Variants in CLSTN2 observed in about 807,000 individuals in gnomAD.
The protein encoded by CLSTN2 is calsyntenin 2, also known as calsyntenin-2.
CLSTN2 carries 48 observed loss-of-function variants against 101.2 expected under a neutral mutation model. The observed-to-expected ratio is 0.47, with a 90% CI of 0.38 to 0.60. The LOEUF is 0.60. Ranked by LOEUF, CLSTN2 falls within the 20% of genes least tolerant of loss-of-function variation. The pLI is 0.00. For synonymous variants in CLSTN2, 481 were observed against 463.6 expected, an observed-to-expected ratio of 1.04 and a Z score of -0.48; for missense variants, 1,160 against 1,238.2, an observed-to-expected ratio of 0.94 and a Z score of 0.95.
At chr3:140,424,128 C>T (rs1445763585) in intron 5 of CLSTN2, among the ~76,000 whole-genome samples, 1 of 152,150 alleles carries the variant, frequency 6.6e-6, no homozygotes, top group Non-Finnish European at 1.5e-5. Context: ...ACAATGAGTT[C>T]TTCATCCTTA....
At chr3:140,393,973 G>A (rs1358416824) in intron 2 of CLSTN2, among the ~76,000 whole-genome samples, 1 of 152,088 alleles carries the variant, frequency 6.6e-6, no homozygotes, top group Non-Finnish European at 1.5e-5. Context: ...CTAGAATGGT[G>A]GGCACCTCAG....
intron 2 of CLSTN2, among the ~76,000 whole-genome samples, chr3:140,336,427 GGAGGAATCAT>G (rs2087440202): frequency 6.6e-6 from 1 of 152,170 alleles, no homozygotes; most frequent in Admixed American, 6.5e-5. Flanking sequence ...CTATGGTTAA[GGAGGAATCAT>G]GAAGGATCTT....
At chr3:140,497,078 G>A (rs1352371984) in intron 8 of CLSTN2, among the ~76,000 whole-genome samples, 1 of 146,630 alleles carries the variant, frequency 6.8e-6, no homozygotes, top group Non-Finnish European at 1.5e-5. Context: ...TCTAGCTTGG[G>A]TGACACAGCG....
chr3:140,426,021 GGAACTAGGAAAGTGAT>G (rs1432790053), intron 5 of CLSTN2, among the ~76,000 whole-genome samples: 1 of 152,180 alleles, frequency 6.6e-6, no homozygotes, highest in African/African-American at 2.4e-5. Flanking sequence ...AATTATATTA[GGAACTAGGAAAGTGAT>G]GCACCTGCAG....
chr3:140,109,418 C>T (rs565792480), intron 1 of CLSTN2, among the ~76,000 whole-genome samples: 2 of 152,110 alleles, frequency 1.3e-5, no homozygotes, highest in African/African-American at 2.4e-5. Context: ...TTGATGTGCT[C>T]TAATTGGGAG....
At chr3:140,141,996 T>G (rs1325542389) in intron 1 of CLSTN2, among the ~76,000 whole-genome samples, 1 of 152,232 alleles carries the variant, frequency 6.6e-6, no homozygotes, top group East Asian at 1.9e-4. Flanking sequence ...AAAATGGAAC[T>G]GTTCAACTGG....
In CLSTN2 at chr3:140,276,013, G is replaced by T. The variant is rs184076159; in HGVS notation, c.232+99940G>T. On this transcript the variant is annotated intron_variant, in intron 2 of 16. Transcript: ENST00000458420. ...ACTAGCACTGGGGCACTAGTGACCA[G>T]CAAAGAGGGAAGTCCTGCTGCCTGG... is the stretch of plus-strand genomic sequence containing the variant. Among the ~76,000 whole-genome samples the T allele has an allele frequency of 5.8e-3, 890 of 152,296 alleles. 5 individuals carry two copies. The highest frequency in any genetic ancestry group is 0.02 in the Middle Eastern group (6 of 294).
At chr3:140,368,951 T>G (rs2087822655) in intron 2 of CLSTN2, among the ~76,000 whole-genome samples, 1 of 152,188 alleles carries the variant, frequency 6.6e-6, no homozygotes. Context: ...GGCAAGCAGT[T>G]AGAAAGGCAA....
chr3:139,986,042 A>G (rs1936015916), intron 1 of CLSTN2, among the ~76,000 whole-genome samples: 1 of 152,158 alleles, frequency 6.6e-6, no homozygotes, highest in Non-Finnish European at 1.5e-5. Flanking sequence ...ATTCCTGATT[A>G]TCTAGCATTT....
chr3:140,562,406 G>C (rs148348746), intron 13 of CLSTN2, 98 bp downstream of exon 13: 3 of 1,202,830 alleles, frequency 2.5e-6, no homozygotes, highest in African/African-American at 3.0e-5. Flanking sequence ...AAGGAGCACT[G>C]TGAAGCCCCA....
intron 2 of CLSTN2, among the ~76,000 whole-genome samples, chr3:140,389,498 A>G (rs1318221736): frequency 6.6e-6 from 1 of 152,210 alleles, no homozygotes; most frequent in Non-Finnish European, 1.5e-5. Flanking sequence ...ATAGTATTCC[A>G]TGGTGTATAT....
In CLSTN2 at chr3:140,575,890, A is replaced by G. The variant is rs1245757984; in HGVS notation, c.*9637A>G. 1 of 152,222 alleles carries G rather than the reference A, an allele frequency of 6.6e-6. No homozygotes were observed. The highest frequency in any genetic ancestry group is 1.5e-5 in the Non-Finnish European group (1 of 68,044). The allele number at this position is 152,222 out of a possible 1,614,324, so 9.4% of individuals were successfully genotyped here. A position where few individuals can be genotyped will look rare whatever the true frequency, so the allele number is the denominator to read the frequency against. On this transcript the variant is annotated 3_prime_UTR_variant, in exon 17 of 17. Coordinates refer to ENST00000458420, the MANE Select transcript of CLSTN2 (RefSeq NM_022131.3). ...ATCTATAATACAGAAGTAAGAATAAAGTCATAAGTACCAGCATATTTTAAA... is the reference window on the plus strand; with the variant it reads ...ATCTATAATACAGAAGTAAGAATAAGGTCATAAGTACCAGCATATTTTAAA...
At chr3:140,411,295 A>G (rs952689332) in intron 4 of CLSTN2, among the ~76,000 whole-genome samples, 1 of 152,262 alleles carries the variant, frequency 6.6e-6, no homozygotes, top group African/African-American at 2.4e-5. Flanking sequence ...CAAACAAAAT[A>G]GGCTTTAAGT....
At chr3:140,141,256 T>C (rs1178825143) in intron 1 of CLSTN2, among the ~76,000 whole-genome samples, 2 of 152,226 alleles carry the variant, frequency 1.3e-5, no homozygotes, top group Non-Finnish European at 2.9e-5. Context: ...TCCTAAATCC[T>C]GCCTCATGAC....
chr3:140,527,740 A>G (rs1935174420), intron 8 of CLSTN2, among the ~76,000 whole-genome samples: 1 of 152,240 alleles, frequency 6.6e-6, no homozygotes, highest in Admixed American at 6.5e-5. Context: ...TGCAGCCATA[A>G]GAAAGAATTA....
At chr3:140,468,345 C>A (rs1291962055) in intron 8 of CLSTN2, among the ~76,000 whole-genome samples, 1 of 152,142 alleles carries the variant, frequency 6.6e-6, no homozygotes, top group Non-Finnish European at 1.5e-5. Flanking sequence ...GAGGCATTTT[C>A]TAAGATGGGA....
At position 140,317,269 on chromosome 3, in the gene CLSTN2, G is replaced by A. The variant is rs535658503; in HGVS notation, c.233-86360G>A. 4.6e-5 allele frequency among the ~76,000 whole-genome samples: 7 copies of A among 152,246 alleles called. No homozygotes were observed. The East Asian group carries it at 1.2e-3, about 25-fold the overall frequency. On this transcript the variant is annotated intron_variant, in intron 2 of 16. Transcript: ENST00000458420. ...CATCATCCTTTGAATGTGCAGGTGG[G>A]AAAAGTTCAGGGACTCTTCTCGGGG... is the stretch of plus-strand genomic sequence containing the variant.
chr3:140,232,154 C>T (rs2086376795), intron 2 of CLSTN2, among the ~76,000 whole-genome samples: 1 of 152,286 alleles, frequency 6.6e-6, no homozygotes, highest in Non-Finnish European at 1.5e-5. Context: ...TGGAAGTACA[C>T]AGGCTTCAAA....
intron 1 of CLSTN2, among the ~76,000 whole-genome samples, chr3:140,046,828 C>T (rs2007891144): frequency 6.6e-6 from 1 of 152,052 alleles, no homozygotes; most frequent in Non-Finnish European, 1.5e-5. Context: ...CCTGGCTTAC[C>T]TCTGTCAAAG....
Sources: gnomAD v4.1 joint callset for allele counts (sites outside exome capture counted in the v4.1 genomes callset) on GRCh38, gnomAD v4.1.1 for gene constraint, MANE v1.5 for transcripts, NCBI Gene and HGNC (gene_info 2026-07-23, HGNC 2026-07-21) for gene names.